CAMTA1: variants seen among roughly 807,000 people sequenced by gnomAD.
The protein encoded by CAMTA1 is calmodulin-binding transcription activator 1.
A neutral mutation model predicts 170.9 loss-of-function variants in CAMTA1; 27 were observed. The observed-to-expected ratio is 0.16, with a 90% CI of 0.12 to 0.22. CAMTA1 has a LOEUF of 0.22. Among genes scored for constraint, CAMTA1 ranks in the 10% least tolerant of loss-of-function variants. CAMTA1 has a pLI of 1.00. For synonymous variants in CAMTA1, 833 were observed against 891.5 expected (o/e 0.93, Z 1.17); for missense variants, 1,619 against 2,217.2 (o/e 0.73, Z 5.42).
In CAMTA1 at chr1:7,484,105, C is replaced by T. The variant is rs1422825187; in HGVS notation, c.510+16204C>T. Among the ~76,000 whole-genome samples the T allele has an allele frequency of 2.6e-5, 4 of 152,214 alleles. No homozygotes were observed. The South Asian group carries it at 8.3e-4, about 32-fold the overall frequency. ...GCCTCACCAAGCAAGAGACATAAAACACAGCCACTTGCAGACCGTGGCCTG... is the reference window on the plus strand; with the variant it reads ...GCCTCACCAAGCAAGAGACATAAAATACAGCCACTTGCAGACCGTGGCCTG... On this transcript the variant is annotated intron_variant, in intron 6 of 22. Transcript: ENST00000303635.
At chr1:6,819,945 G>A (rs1646296791) in intron 1 of CAMTA1, among the ~76,000 whole-genome samples, 1 of 152,144 alleles carries the variant, frequency 6.6e-6, no homozygotes. Context: ...GGTCATAACT[G>A]GTTGTCTCTT....
At chr1:7,169,805 G>T (rs960866140) in intron 4 of CAMTA1, among the ~76,000 whole-genome samples, 3 of 152,204 alleles carry the variant, frequency 2.0e-5, no homozygotes, top group African/African-American at 7.2e-5. Context: ...GGAATTACAG[G>T]CATGAGCCAC....
chr1:6,925,314 T>C (rs1682876439), intron 3 of CAMTA1, among the ~76,000 whole-genome samples: 1 of 152,220 alleles, frequency 6.6e-6, no homozygotes, highest in South Asian at 2.1e-4. Context: ...ATGCCTCCCC[T>C]GCGCGTCATG....
chr1:7,685,163 A>C lies in CAMTA1; in HGVS notation c.2914+7430A>C, dbSNP rs1430214326. Among the ~76,000 whole-genome samples the C allele has an allele frequency of 6.6e-6, 1 of 151,376 alleles. No individual in the cohort carries two copies. Among genetic ancestry groups the C allele is most frequent in the Non-Finnish European group, 1.5e-5 (1 of 67,898 alleles). On this transcript the variant is annotated intron_variant, in intron 11 of 22. Coordinates refer to ENST00000303635, the MANE Select transcript of CAMTA1 (RefSeq NM_015215.4). The surrounding 1 kb of genome is among the most constrained non-coding windows in gnomAD (Gnocchi z 5.7). ...TGAGGAGTTCGCAGGCACCGTCCTG[A>C]GGTCACAGGTGGTGTGTTTTAAGGA... is the stretch of plus-strand genomic sequence containing the variant.
In CAMTA1 at chr1:7,682,602, C is replaced by T. The variant is rs1472506297; in HGVS notation, c.2914+4869C>T. Among the ~76,000 whole-genome samples the T allele has an allele frequency of 6.6e-6, 1 of 152,224 alleles. No homozygotes were observed. Among genetic ancestry groups the T allele is most frequent in the Non-Finnish European group, 1.5e-5 (1 of 68,048 alleles). On this transcript the variant is annotated intron_variant, in intron 11 of 22. Coordinates refer to ENST00000303635, the MANE Select transcript of CAMTA1 (RefSeq NM_015215.4). This position sits in a 1 kb window ranked among gnomAD's most constrained non-coding sequence, Gnocchi z 5.0. ...CTTGTGGGCTGATTCTAGTACCAGCCTCCACCCACCAGAGCTGGGAGATCA... is the reference window on the plus strand; with the variant it reads ...CTTGTGGGCTGATTCTAGTACCAGCTTCCACCCACCAGAGCTGGGAGATCA...
At chr1:7,217,040 T>C (rs528152759) in intron 4 of CAMTA1, among the ~76,000 whole-genome samples, 1 of 152,378 alleles carries the variant, frequency 6.6e-6, no homozygotes, top group African/African-American at 2.4e-5. Context: ...TTTCTGAATC[T>C]CTTTGATATG....
chr1:7,690,087 C>T (rs192143469), intron 11 of CAMTA1, among the ~76,000 whole-genome samples: 43 of 152,302 alleles, frequency 2.8e-4, no homozygotes, highest in Admixed American at 1.4e-3. Flanking sequence ...CACTTGAACC[C>T]GGGAAGCAGA....
At chr1:7,427,737 T>C (rs917837068) in intron 5 of CAMTA1, among the ~76,000 whole-genome samples, 1 of 152,216 alleles carries the variant, frequency 6.6e-6, no homozygotes, top group Non-Finnish European at 1.5e-5. Context: ...GTCCTCTCCC[T>C]CTGCACACAT....
At chr1:7,705,518 G>A (rs2096508883) in intron 11 of CAMTA1, among the ~76,000 whole-genome samples, 2 of 150,422 alleles carry the variant, frequency 1.3e-5, no homozygotes, top group Admixed American at 6.6e-5. Context: ...TCGGGCGCGC[G>A]CGGGCGGGGC....
intron 5 of CAMTA1, among the ~76,000 whole-genome samples, chr1:7,362,556 T>C (rs2085624718): frequency 6.6e-6 from 1 of 151,206 alleles, no homozygotes; most frequent in Admixed American, 6.6e-5. Context: ...TTGGATAGAG[T>C]TGGTGGACTT....
intron 3 of CAMTA1, among the ~76,000 whole-genome samples, chr1:6,956,771 A>T (rs1468069222): frequency 1.3e-5 from 2 of 151,738 alleles, no homozygotes; most frequent in Non-Finnish European, 2.9e-5. Context: ...TGGCCCATTA[A>T]CTCCCTCTGT....
In CAMTA1 at chr1:7,065,357, A is replaced by G. The variant is rs886841788; in HGVS notation, c.235-25947A>G. Among the ~76,000 whole-genome samples, 6 of 152,188 alleles carry G rather than the reference A, an allele frequency of 3.9e-5. No individual in the cohort carries two copies. Among genetic ancestry groups the G allele is most frequent in the South Asian group, 2.1e-4 (1 of 4,830 alleles). ...GAAGCTGAGATAAGAGAATGGCGTC[A>G]TTGGATTTGGTGACCTAGAGGTTCA... On this transcript the variant is annotated intron_variant, in intron 3 of 22. Coordinates refer to ENST00000303635, the MANE Select transcript of CAMTA1 (RefSeq NM_015215.4). The surrounding 1 kb of genome is among the most constrained non-coding windows in gnomAD (Gnocchi z 5.2).
chr1:7,465,139 T>A (rs2093180910), intron 5 of CAMTA1, among the ~76,000 whole-genome samples: 1 of 152,176 alleles, frequency 6.6e-6, no homozygotes, highest in African/African-American at 2.4e-5. Context: ...ACATTGACCG[T>A]CTCTGGAGTC....
At position 7,050,159 on chromosome 1, in the gene CAMTA1, G is replaced by A. The variant is rs1294667795; in HGVS notation, c.235-41145G>A. ...GGAGAGAGGACGTGGAAGGAGGTGA[G>A]GCCGGGGAAGTGACCGGCAGGGCCA... On this transcript the variant is annotated intron_variant, in intron 3 of 22. Coordinates refer to ENST00000303635, the MANE Select transcript of CAMTA1 (RefSeq NM_015215.4). This position sits in a 1 kb window ranked among gnomAD's most constrained non-coding sequence, Gnocchi z 4.8. Among the ~76,000 whole-genome samples the A allele has an allele frequency of 6.6e-6, 1 of 152,192 alleles. No homozygotes were observed. Among genetic ancestry groups the A allele is most frequent in the Admixed American group, 6.5e-5 (1 of 15,282 alleles).
chr1:7,411,885 T>G (rs148975191), intron 5 of CAMTA1, among the ~76,000 whole-genome samples: 3,907 of 150,892 alleles, frequency 0.026, 183 homozygotes, highest in African/African-American at 0.09. Flanking sequence ...ATTAGGTATA[T>G]CTCCTAATGC....
At chr1:7,275,699 T>C in intron 5 of CAMTA1, among the ~76,000 whole-genome samples, 1 of 152,130 alleles carries the variant, frequency 6.6e-6, no homozygotes, top group South Asian at 2.1e-4. Context: ...AGATAAAAAT[T>C]CTTAAAACTG....
chr1:6,865,175 A>C, intron 3 of CAMTA1, among the ~76,000 whole-genome samples: 1 of 152,198 alleles, frequency 6.6e-6, no homozygotes, highest in South Asian at 2.1e-4. Context: ...GCAAAAAAGT[A>C]CTTGAATTTA....
In CAMTA1 at chr1:6,820,323, A is replaced by G; in HGVS notation, c.115+73A>G. On this transcript the variant is annotated intron_variant, in intron 2 of 22. Transcript: ENST00000303635. ...AGTGGCAGTAATTATCATCTAGTAC[A>G]GTGGAAACAGCCTTCAGCCCGGACT... The G allele has an allele frequency of 5.4e-6, 8 of 1,489,340 alleles. 1 individual carries two copies. Among genetic ancestry groups the G allele is most frequent in the Middle Eastern group, 3.4e-4 (2 of 5,804 alleles). The allele number at this position is 1,489,340 out of a possible 1,614,324, so 92.3% of individuals were successfully genotyped here.
intron 6 of CAMTA1, among the ~76,000 whole-genome samples, chr1:7,586,498 C>T (rs1403379290): frequency 1.3e-5 from 2 of 152,126 alleles, no homozygotes; most frequent in African/African-American, 4.8e-5. Flanking sequence ...GACACCTAGG[C>T]GTGACTTGGG....
Sources: gnomAD v4.1 joint callset for allele counts (sites outside exome capture counted in the v4.1 genomes callset) on GRCh38, gnomAD v4.1.1 for gene constraint, Gnocchi (gnomAD v3.1) non-coding constraint, MANE v1.5 for transcripts, NCBI Gene and HGNC (gene_info 2026-07-23, HGNC 2026-07-21) for gene names.